Variants in TRPM3 observed in about 807,000 individuals in gnomAD.
The protein encoded by TRPM3 is long transient receptor potential channel 3.
In TRPM3, 77 loss-of-function variants were observed where a neutral mutation model predicts 181.2. The observed-to-expected ratio is 0.42, with a 90% CI of 0.35 to 0.51. The LOEUF is 0.51. Ranked by LOEUF, TRPM3 falls within the 20% of genes least tolerant of loss-of-function variation. The probability of loss-of-function intolerance (pLI) is 0.01; values close to 1 mark genes in which losing one functional copy is unlikely to be tolerated. For synonymous variants in TRPM3, 745 were observed against 796.4 expected (o/e 0.94, Z 1.09); for missense variants, 1,759 against 2,196.7 (o/e 0.80, Z 3.98).
At chr9:71,388,755 AT>A (rs910391012) in intron 1 of TRPM3, among the ~76,000 whole-genome samples, 15 of 152,060 alleles carry the variant, frequency 9.9e-5, no homozygotes, top group Non-Finnish European at 2.1e-4. Context: ...ACAAAAAAGA[AT>A]TTTTTTCTTC....
chr9:71,409,730 C>T (rs1487820673), intron 1 of TRPM3, among the ~76,000 whole-genome samples: 13 of 152,072 alleles, frequency 8.5e-5, no homozygotes, highest in Admixed American at 5.9e-4. Flanking sequence ...ATATCCAGGA[C>T]TTGAACTCAG....
intron 1 of TRPM3, among the ~76,000 whole-genome samples, chr9:71,025,974 C>T (rs1017495638): frequency 3.3e-5 from 5 of 152,174 alleles, no homozygotes; most frequent in African/African-American, 1.2e-4. Flanking sequence ...GCTGAACAGG[C>T]AAGGAGCAAC....
intron 1 of TRPM3, among the ~76,000 whole-genome samples, chr9:71,337,599 A>G (rs149713952): frequency 6.6e-4 from 101 of 152,326 alleles, no homozygotes; most frequent in African/African-American, 2.4e-3. Context: ...AAAGGATTAT[A>G]AATCATAGTT....
rs550555339 is a variant in TRPM3 at position 71,145,802 on chromosome 9, T to C, written c.184-281291A>G. Among the ~76,000 whole-genome samples the C allele has an allele frequency of 3.3e-5, 5 of 152,222 alleles. No homozygotes were observed. The South Asian group carries it at 1.0e-3, about 32-fold the overall frequency. ...TGTCTTTTAACAAAGGAAACTCTTATAAACTAATTAGAATAAAAGATTAAA... is the reference window on the plus strand; with the variant it reads ...TGTCTTTTAACAAAGGAAACTCTTACAAACTAATTAGAATAAAAGATTAAA... On this transcript the variant is annotated intron_variant, in intron 1 of 24. Coordinates refer to the TRPM3 transcript ENST00000357533.
intron 1 of TRPM3, among the ~76,000 whole-genome samples, chr9:71,073,113 G>T (rs1239745825): frequency 6.6e-6 from 1 of 152,154 alleles, no homozygotes; most frequent in East Asian, 1.9e-4. Context: ...AGTAGTAACA[G>T]TAGTAACTGT....
chr9:70,532,565 G>A lies in TRPM3; in HGVS notation c.*3388C>T, dbSNP rs1404450629. The A allele has an allele frequency of 6.6e-6, 1 of 152,108 alleles. No homozygotes were observed. 9.4% of individuals were successfully genotyped at this position (152,108 alleles called of 1,614,324 possible). On this transcript the variant is annotated 3_prime_UTR_variant, in exon 26 of 26. Transcript: ENST00000677713. ...CTCCTCATTCAAATCTATCAAGGAG[G>A]GGCCCTCTAACTATAAATATAAAGT...
At chr9:70,946,467 C>T (rs1001400210) in intron 1 of TRPM3, among the ~76,000 whole-genome samples, 1 of 151,048 alleles carries the variant, frequency 6.6e-6, no homozygotes, top group Non-Finnish European at 1.5e-5. Context: ...ATAATAACAG[C>T]AGCAATATTC....
At chr9:70,679,447 A>G (rs1487929296) in intron 9 of TRPM3, among the ~76,000 whole-genome samples, 2 of 152,238 alleles carry the variant, frequency 1.3e-5, no homozygotes, top group Non-Finnish European at 1.5e-5. Flanking sequence ...TTTTCAGTAG[A>G]AGATATTATA....
chr9:71,260,698 T>C (rs1196551704), intron 1 of TRPM3, among the ~76,000 whole-genome samples: 2 of 152,218 alleles, frequency 1.3e-5, no homozygotes, highest in Non-Finnish European at 2.9e-5. Context: ...TATTGGTGTA[T>C]AGGAATGCTT....
chr9:71,229,143 G>C (rs1373790183), intron 1 of TRPM3, among the ~76,000 whole-genome samples: 4 of 152,108 alleles, frequency 2.6e-5, no homozygotes, highest in African/African-American at 9.7e-5. Context: ...GAACAGATTA[G>C]AGAATCCAGA....
chr9:71,418,063 T>G (rs537432763), intron 1 of TRPM3, among the ~76,000 whole-genome samples: 1 of 151,780 alleles, frequency 6.6e-6, no homozygotes, highest in East Asian at 1.9e-4. Flanking sequence ...AAAGGATGAG[T>G]GAATTGTTGC....
chr9:71,313,357 T>C (rs2088178103), intron 1 of TRPM3, among the ~76,000 whole-genome samples: 1 of 152,154 alleles, frequency 6.6e-6, no homozygotes, highest in Non-Finnish European at 1.5e-5. Flanking sequence ...GAACTGAGAC[T>C]TCATACCTGA....
At chr9:70,572,461 T>A (rs775261086) in intron 22 of TRPM3, among the ~76,000 whole-genome samples, 8 of 152,224 alleles carry the variant, frequency 5.3e-5, no homozygotes, top group Non-Finnish European at 1.0e-4. Context: ...CCACTAAAAT[T>A]CTTTTTCTCT....
chr9:70,955,514 A>T (rs1438605093), intron 1 of TRPM3, among the ~76,000 whole-genome samples: 1 of 152,136 alleles, frequency 6.6e-6, no homozygotes, highest in Non-Finnish European at 1.5e-5. Context: ...TTTTCACGGC[A>T]ATTTTATAAC....
chr9:71,297,420 A>G (rs1267592864), intron 1 of TRPM3, among the ~76,000 whole-genome samples: 1 of 152,176 alleles, frequency 6.6e-6, no homozygotes, highest in Non-Finnish European at 1.5e-5. Context: ...GATAATTTAG[A>G]AACGAAAGTG....
At chr9:71,176,293 T>TA (rs1196767870) in intron 1 of TRPM3, among the ~76,000 whole-genome samples, 1 of 152,048 alleles carries the variant, frequency 6.6e-6, no homozygotes, top group Non-Finnish European at 1.5e-5. Flanking sequence ...GATGTGGAGG[T>TA]AAAAGACAGT....
chr9:71,438,424 C>A, intron 1 of TRPM3, among the ~76,000 whole-genome samples: 1 of 151,956 alleles, frequency 6.6e-6, no homozygotes, highest in Admixed American at 6.6e-5. Flanking sequence ...AATCCCAGCA[C>A]TTTGAAAGGC....
intron 6 of TRPM3, among the ~76,000 whole-genome samples, chr9:70,786,953 G>T (rs943702710): frequency 6.6e-6 from 1 of 152,040 alleles, no homozygotes; most frequent in African/African-American, 2.4e-5. Flanking sequence ...GGAGGGAGAA[G>T]TACTTAGCAT....
At chr9:70,678,240 C>T (rs2004090883) in intron 9 of TRPM3, among the ~76,000 whole-genome samples, 1 of 152,134 alleles carries the variant, frequency 6.6e-6, no homozygotes, top group Non-Finnish European at 1.5e-5. Flanking sequence ...ACATCTCTGA[C>T]TGAAACAACA....
Sources: gnomAD v4.1 joint callset for allele counts (sites outside exome capture counted in the v4.1 genomes callset) on GRCh38, gnomAD v4.1.1 for gene constraint, MANE v1.5 for transcripts, NCBI Gene and HGNC (gene_info 2026-07-23, HGNC 2026-07-21) for gene names.